PSD3: variants seen among roughly 807,000 people sequenced by gnomAD.
PSD3 encodes PH and SEC7 domain-containing protein 3.
A neutral mutation model predicts 105.5 loss-of-function variants in PSD3; 49 were observed. The observed-to-expected ratio is 0.46, with a 90% confidence interval of 0.37 to 0.59. PSD3 has a LOEUF of 0.59. Ranked by LOEUF, PSD3 falls within the 20% of genes least tolerant of loss-of-function variation. PSD3 has a pLI of 0.00. For missense variants in PSD3, 1,561 were observed against 1,263.8 expected, an observed-to-expected ratio of 1.24 and a Z score of -3.57; for synonymous variants, 557 against 457.8, an observed-to-expected ratio of 1.22 and a Z score of -2.77.
intron 8 of PSD3, among the ~76,000 whole-genome samples, chr8:18,786,084 G>T (rs1281152303): frequency 6.6e-6 from 1 of 152,126 alleles, no homozygotes; most frequent in African/African-American, 2.4e-5. Context: ...TTTCCCTGTG[G>T]TCCCAGCTGC....
At chr8:19,039,422 A>T (rs1379230783) in intron 1 of PSD3, among the ~76,000 whole-genome samples, 2 of 152,118 alleles carry the variant, frequency 1.3e-5, no homozygotes, top group Admixed American at 6.5e-5. Context: ...TCTTCCATTA[A>T]CTACTTTTCT....
intron 11 of PSD3, among the ~76,000 whole-genome samples, chr8:18,606,417 C>T (rs1043347511): frequency 6.6e-6 from 1 of 152,160 alleles, no homozygotes; most frequent in African/African-American, 2.4e-5. Flanking sequence ...AACAGGATTT[C>T]CCTTTCATTG....
intron 1 of PSD3, among the ~76,000 whole-genome samples, chr8:19,046,567 C>T (rs1371397716): frequency 6.6e-6 from 1 of 152,210 alleles, no homozygotes; most frequent in African/African-American, 2.4e-5. Context: ...TATTCTTACT[C>T]AATCTTGGCA....
chr8:18,841,626 G>C (rs1814636097), intron 4 of PSD3, among the ~76,000 whole-genome samples: 2 of 152,112 alleles, frequency 1.3e-5, no homozygotes, highest in African/African-American at 2.4e-5. Flanking sequence ...TCTCTGGTCT[G>C]TGCCCAGCTA....
intron 2 of PSD3, among the ~76,000 whole-genome samples, chr8:18,895,964 C>T (rs918549170): frequency 2.0e-5 from 3 of 152,160 alleles, no homozygotes; most frequent in Non-Finnish European, 4.4e-5. Flanking sequence ...ATACCTACTC[C>T]CCTTCCCCTC....
chr8:18,985,369 T>G (rs1825450505), intron 1 of PSD3, among the ~76,000 whole-genome samples: 1 of 152,212 alleles, frequency 6.6e-6, no homozygotes, highest in Non-Finnish European at 1.5e-5. Context: ...GGTCTGCATA[T>G]AGAATATCTG....
intron 1 of PSD3, among the ~76,000 whole-genome samples, chr8:18,986,559 CAAA>C (rs1032265758): frequency 4.1e-5 from 3 of 73,824 alleles, no homozygotes; most frequent in Non-Finnish European, 5.8e-5. Flanking sequence ...ATGGTCTCAG[CAAA>C]AAAAAAAAAA....
chr8:18,606,403 G>A (rs946829826), intron 11 of PSD3, among the ~76,000 whole-genome samples: 3 of 152,000 alleles, frequency 2.0e-5, no homozygotes, highest in East Asian at 1.9e-4. Context: ...TTTATTCCTG[G>A]CCTAACAGGA....
intron 2 of PSD3, among the ~76,000 whole-genome samples, chr8:18,883,191 C>A (rs1391443599): frequency 1.4e-4 from 22 of 152,218 alleles, no homozygotes; most frequent in Non-Finnish European, 1.5e-4. Context: ...CAGAAAACTA[C>A]AACAATATCT....
At chr8:18,774,085 C>T (rs899593282) in intron 8 of PSD3, among the ~76,000 whole-genome samples, 13 of 152,112 alleles carry the variant, frequency 8.5e-5, no homozygotes, top group Non-Finnish European at 1.3e-4. Context: ...CCTTGCTGAA[C>T]GTCTTTAGTC....
chr8:18,706,554 G>A (rs1032047609), intron 9 of PSD3, among the ~76,000 whole-genome samples: 5 of 152,296 alleles, frequency 3.3e-5, no homozygotes, highest in African/African-American at 1.2e-4. Context: ...CCATATAGAA[G>A]AGCACTGGTG....
intron 9 of PSD3, among the ~76,000 whole-genome samples, chr8:18,658,397 G>C (rs979131034): frequency 2.6e-5 from 4 of 152,040 alleles, no homozygotes; most frequent in African/African-American, 9.7e-5. Flanking sequence ...CTCTAACCTG[G>C]CAGTCATTAC....
chr8:18,817,640 A>G (rs2632837), intron 4 of PSD3, among the ~76,000 whole-genome samples: 126,298 of 152,204 alleles, frequency 0.83, 52,742 homozygotes, highest in East Asian at 0.9. Context: ...AAAAGCAGTA[A>G]TTCAAATGTT....
intron 9 of PSD3, among the ~76,000 whole-genome samples, chr8:18,763,790 C>T (rs764923692): frequency 1.3e-5 from 2 of 151,966 alleles, no homozygotes; most frequent in East Asian, 1.9e-4. Flanking sequence ...GGTGGGTGAG[C>T]GGCTGGGGTT....
chr8:18,851,041 T>C (rs1282481325), intron 4 of PSD3, among the ~76,000 whole-genome samples: 2 of 152,168 alleles, frequency 1.3e-5, no homozygotes, highest in Non-Finnish European at 2.9e-5. Context: ...CTACAACTGT[T>C]CCTTGGCCTG....
At chr8:19,051,978 A>G (rs1828544218) in intron 1 of PSD3, among the ~76,000 whole-genome samples, 1 of 152,234 alleles carries the variant, frequency 6.6e-6, no homozygotes, top group Non-Finnish European at 1.5e-5. Context: ...ACAGATGTAG[A>G]AATAAAATTA....
intron 3 of PSD3, among the ~76,000 whole-genome samples, chr8:18,871,125 T>C (rs6983992): frequency 0.2 from 30,130 of 151,832 alleles, 3,093 homozygotes; most frequent in South Asian, 0.29. Flanking sequence ...CAAACAAACA[T>C]AGGAAATTGA....
chr8:18,855,530 G>A (rs1815939318), intron 4 of PSD3, among the ~76,000 whole-genome samples: 1 of 152,070 alleles, frequency 6.6e-6, no homozygotes, highest in Non-Finnish European at 1.5e-5. Context: ...AAATACTGAG[G>A]AAAAAAGGGT....
At chr8:18,851,114 A>G (rs980460398) in intron 4 of PSD3, among the ~76,000 whole-genome samples, 1 of 152,326 alleles carries the variant, frequency 6.6e-6, no homozygotes, top group South Asian at 2.1e-4. Flanking sequence ...TCCTTTGAAC[A>G]TCCAATAAGA....
Sources: gnomAD v4.1 joint callset for allele counts (sites outside exome capture counted in the v4.1 genomes callset) on GRCh38, gnomAD v4.1.1 for gene constraint, MANE v1.5 for transcripts, NCBI Gene and HGNC (gene_info 2026-07-23, HGNC 2026-07-21) for gene names.